The following ERBB4 variants were observed in gnomAD, a reference collection of about 807,000 sequenced individuals.
ERBB4 encodes the protein receptor tyrosine-protein kinase erbB-4.
ERBB4 carries 42 observed loss-of-function variants against 158.0 expected under a neutral mutation model. The ratio of observed to expected loss-of-function variants is 0.27; its 90% CI spans 0.21 to 0.34. The LOEUF (loss-of-function observed/expected upper bound fraction) is 0.34. Ranked by LOEUF, ERBB4 falls within the 10% of genes least tolerant of loss-of-function variation. The pLI is 1.00. For missense variants in ERBB4, 1,333 were observed against 1,624.1 expected (o/e 0.82, Z 3.08); for synonymous variants, 583 against 558.7 (o/e 1.04, Z -0.61).
chr2:212,318,793 T>C (rs1341767397), intron 1 of ERBB4, among the ~76,000 whole-genome samples: 2 of 151,590 alleles, frequency 1.3e-5, no homozygotes, highest in Non-Finnish European at 3.0e-5. Context: ...TTTTTTATCA[T>C]GTAAGTCTTG....
intron 1 of ERBB4, among the ~76,000 whole-genome samples, chr2:212,436,817 GACTT>G (rs1335436124): frequency 6.6e-6 from 1 of 152,004 alleles, no homozygotes; most frequent in Non-Finnish European, 1.5e-5. Context: ...TTGCAGGTTA[GACTT>G]AAGTTAAATG....
intron 4 of ERBB4, among the ~76,000 whole-genome samples, chr2:211,759,137 C>G (rs1313714625): frequency 6.6e-6 from 1 of 152,166 alleles, no homozygotes; most frequent in Non-Finnish European, 1.5e-5. Context: ...GCTCTGTTTT[C>G]TTTCGTCTTA....
chr2:211,410,720 A>T (rs1302935901), intron 25 of ERBB4, among the ~76,000 whole-genome samples: 1 of 152,160 alleles, frequency 6.6e-6, no homozygotes, highest in Non-Finnish European at 1.5e-5. Context: ...AAAATAGTTC[A>T]ATTTTGTTTG....
chr2:211,427,292 C>A (rs1055313106), intron 22 of ERBB4, among the ~76,000 whole-genome samples: 1 of 152,034 alleles, frequency 6.6e-6, no homozygotes, highest in African/African-American at 2.4e-5. Flanking sequence ...TTGTACCATA[C>A]ATTTAAATCT....
intron 25 of ERBB4, among the ~76,000 whole-genome samples, chr2:211,391,384 T>C (rs1338550530): frequency 6.6e-6 from 1 of 152,228 alleles, no homozygotes; most frequent in African/African-American, 2.4e-5. Flanking sequence ...TGCTACTTTC[T>C]GCTGTCCATC....
chr2:212,157,096 T>A (rs1274615227), intron 1 of ERBB4, among the ~76,000 whole-genome samples: 1 of 152,110 alleles, frequency 6.6e-6, no homozygotes, highest in Non-Finnish European at 1.5e-5. Flanking sequence ...CATACCATAC[T>A]TCTTAAAATG....
intron 1 of ERBB4, among the ~76,000 whole-genome samples, chr2:212,320,490 A>G (rs1441919629): frequency 2.2e-5 from 3 of 135,940 alleles, no homozygotes; most frequent in African/African-American, 7.9e-5. Context: ...TAACAGGACT[A>G]AAGGAAAATG....
intron 1 of ERBB4, among the ~76,000 whole-genome samples, chr2:212,406,658 A>C (rs2106476546): frequency 6.6e-6 from 1 of 152,266 alleles, no homozygotes; most frequent in African/African-American, 2.4e-5. Flanking sequence ...GCTCACTGTT[A>C]AAAACCTCTC....
intron 2 of ERBB4, among the ~76,000 whole-genome samples, chr2:212,017,112 A>G (rs374263653): frequency 5.9e-5 from 9 of 152,206 alleles, no homozygotes; most frequent in African/African-American, 2.2e-4. Context: ...TTTCAATATG[A>G]TAAAAACATA....
At chr2:211,844,729 G>A (rs2077551015) in intron 3 of ERBB4, among the ~76,000 whole-genome samples, 1 of 152,108 alleles carries the variant, frequency 6.6e-6, no homozygotes, top group Non-Finnish European at 1.5e-5. Flanking sequence ...TCACAATAAT[G>A]GATGATACAT....
At chr2:212,020,081 T>A (rs1298557836) in intron 2 of ERBB4, among the ~76,000 whole-genome samples, 1 of 152,178 alleles carries the variant, frequency 6.6e-6, no homozygotes, top group Non-Finnish European at 1.5e-5. Context: ...ACCTAATGAA[T>A]GAACAATATA....
At chr2:211,530,514 G>C (rs1024591516) in intron 20 of ERBB4, among the ~76,000 whole-genome samples, 1 of 151,946 alleles carries the variant, frequency 6.6e-6, no homozygotes, top group African/African-American at 2.4e-5. Flanking sequence ...AATTTATATG[G>C]AACCATAAAA....
At chr2:211,580,787 G>GATATATATATATAT (rs58919262) in intron 19 of ERBB4, among the ~76,000 whole-genome samples, 6 of 67,718 alleles carry the variant, frequency 8.9e-5, no homozygotes, top group African/African-American at 2.6e-4. Flanking sequence ...AAGAAATTGT[G>GATATATATATATAT]ATATATATAT....
At chr2:212,181,172 T>C (rs2081849553) in intron 1 of ERBB4, among the ~76,000 whole-genome samples, 1 of 151,706 alleles carries the variant, frequency 6.6e-6, no homozygotes, top group Non-Finnish European at 1.5e-5. Context: ...CTTTGACCAC[T>C]CTTCATCACT....
intron 25 of ERBB4, among the ~76,000 whole-genome samples, chr2:211,418,488 A>C (rs2063442795): frequency 6.6e-6 from 1 of 152,158 alleles, no homozygotes; most frequent in Non-Finnish European, 1.5e-5. Context: ...TGGAATAAGA[A>C]ATGATGGCTA....
chr2:211,952,830 C>T (rs1262875143), intron 2 of ERBB4, among the ~76,000 whole-genome samples: 1 of 151,862 alleles, frequency 6.6e-6, no homozygotes, highest in African/African-American at 2.4e-5. Flanking sequence ...CAAATATTAT[C>T]TCTGATAATA....
intron 1 of ERBB4, among the ~76,000 whole-genome samples, chr2:212,278,718 G>A (rs1433005353): frequency 6.6e-6 from 1 of 151,458 alleles, no homozygotes; most frequent in Non-Finnish European, 1.5e-5. Flanking sequence ...TAGTATTTTA[G>A]AATGAAGGTA....
At chr2:212,254,692 C>T (rs547728059) in intron 1 of ERBB4, among the ~76,000 whole-genome samples, 48 of 152,256 alleles carry the variant, frequency 3.2e-4, no homozygotes, top group Admixed American at 7.9e-4. Context: ...GGGAAAACTT[C>T]CTAACCTGCT....
intron 20 of ERBB4, among the ~76,000 whole-genome samples, chr2:211,488,474 A>C (rs2065261120): frequency 6.6e-6 from 1 of 152,136 alleles, no homozygotes; most frequent in Non-Finnish European, 1.5e-5. Flanking sequence ...ATGCTGAATA[A>C]AGATTTCTTA....
Sources: gnomAD v4.1 joint callset for allele counts (sites outside exome capture counted in the v4.1 genomes callset) on GRCh38, gnomAD v4.1.1 for gene constraint, MANE v1.5 for transcripts, NCBI Gene and HGNC (gene_info 2026-07-23, HGNC 2026-07-21) for gene names.